CSMD1: variants seen among roughly 807,000 people sequenced by gnomAD.
The protein encoded by CSMD1 is CUB and sushi domain-containing protein 1.
Under a neutral mutation model 417.5 loss-of-function variants are expected in CSMD1, and 213 were observed. The observed-to-expected ratio is 0.51, with a 90% CI of 0.46 to 0.57. CSMD1 has a LOEUF of 0.57. Among genes scored for constraint, CSMD1 ranks in the 20% least tolerant of loss-of-function variants. The pLI is 0.00. For synonymous variants in CSMD1, 2,862 were observed against 1,736.8 expected (o/e 1.65, Z -16.11); for missense variants, 6,923 against 4,529.7 (o/e 1.53, Z -15.17).
At chr8:4,933,483 C>A (rs756781111) in intron 1 of CSMD1, among the ~76,000 whole-genome samples, 9 of 152,084 alleles carry the variant, frequency 5.9e-5, no homozygotes, top group Non-Finnish European at 1.3e-4. Context: ...ACTGTCAGTG[C>A]AGAAGGTAAG....
At chr8:3,909,849 GCTGTATACAAGTT>G (rs1367720204) in intron 5 of CSMD1, among the ~76,000 whole-genome samples, 6 of 152,160 alleles carry the variant, frequency 3.9e-5, no homozygotes, top group Non-Finnish European at 2.9e-5. Context: ...CGTATGTCCT[GCTGTATACAAGTT>G]GATGGAATGG....
At chr8:4,003,317 T>C (rs1451258602) in intron 4 of CSMD1, among the ~76,000 whole-genome samples, 2 of 151,970 alleles carry the variant, frequency 1.3e-5, no homozygotes, top group African/African-American at 4.8e-5. Flanking sequence ...GGTGTGAACC[T>C]GGGAGGTGGA....
At chr8:3,926,737 T>TA (rs11406868) in intron 5 of CSMD1, among the ~76,000 whole-genome samples, 1 of 138,822 alleles carries the variant, frequency 7.2e-6, no homozygotes, top group East Asian at 2.2e-4. Context: ...TTTTTTTTTT[T>TA]ATGGAGTCCC....
intron 50 of CSMD1, among the ~76,000 whole-genome samples, chr8:3,032,778 C>A (rs1037232535): frequency 1.5e-4 from 23 of 151,990 alleles, no homozygotes; most frequent in African/African-American, 5.6e-4. Flanking sequence ...CAACCTCTAC[C>A]TTACTTCAGA....
intron 3 of CSMD1, among the ~76,000 whole-genome samples, chr8:4,251,529 A>G (rs549454505): frequency 6.6e-6 from 1 of 152,310 alleles, no homozygotes; most frequent in South Asian, 2.1e-4. Flanking sequence ...TAAATAGCCT[A>G]AATGATCTCT....
At chr8:4,930,034 G>C (rs1185593827) in intron 1 of CSMD1, among the ~76,000 whole-genome samples, 1 of 152,082 alleles carries the variant, frequency 6.6e-6, no homozygotes, top group African/African-American at 2.4e-5. Context: ...AAGGAACAGG[G>C]GTGCACGGTG....
intron 10 of CSMD1, among the ~76,000 whole-genome samples, chr8:3,528,501 A>G (rs144020844): frequency 2.0e-5 from 3 of 152,320 alleles, no homozygotes; most frequent in African/African-American, 7.2e-5. Flanking sequence ...TTCCTTAGGA[A>G]CCCTGTGGGC....
chr8:4,251,737 G>T (rs953199212), intron 3 of CSMD1, among the ~76,000 whole-genome samples: 1 of 152,076 alleles, frequency 6.6e-6, no homozygotes, highest in Non-Finnish European at 1.5e-5. Context: ...AGACGTCACA[G>T]TTGTGACATC....
chr8:4,833,922 C>G (rs1800300206), intron 1 of CSMD1, among the ~76,000 whole-genome samples: 1 of 152,186 alleles, frequency 6.6e-6, no homozygotes, highest in Admixed American at 6.5e-5. Context: ...CACCACCCAC[C>G]TCCTTGATTC....
rs1797204593 is a variant in CSMD1, at chr8:3,205,556, A to G, written c.4932T>C (p.Asn1644=). The G allele has an allele frequency of 1.2e-6, 2 of 1,603,624 alleles. No homozygotes were observed. Among genetic ancestry groups the G allele is most frequent in the African/African-American group, 2.7e-5 (2 of 74,814 alleles). ...AGAGGCATATTTGACCAGCTGTGTAATTATGGGGGTAGTTTGGTGATAAAA... is the reference window on the plus strand; with the variant it reads ...AGAGGCATATTTGACCAGCTGTGTAGTTATGGGGGTAGTTTGGTGATAAAA... ...GVVLSPNYPH[N]YTAGQICLYS... Residue 1644 remains asparagine (N), a synonymous_variant, in exon 31 of 70, where the codon AAT becomes AAC. Coordinates refer to ENST00000635120, the MANE Select transcript of CSMD1 (RefSeq NM_033225.6).
At chr8:3,709,567 G>T (rs1016483515) in intron 6 of CSMD1, among the ~76,000 whole-genome samples, 1 of 151,856 alleles carries the variant, frequency 6.6e-6, no homozygotes, top group Non-Finnish European at 1.5e-5. Flanking sequence ...GCTCTCCCCA[G>T]TGTGGGTGGG....
At chr8:4,407,709 T>A (rs74842569) in intron 3 of CSMD1, among the ~76,000 whole-genome samples, 1 of 152,228 alleles carries the variant, frequency 6.6e-6, no homozygotes. Context: ...TATTCATAAA[T>A]AGCTGTAGTT....
chr8:3,375,611 C>G (rs1431844615), intron 18 of CSMD1, among the ~76,000 whole-genome samples: 1 of 151,942 alleles, frequency 6.6e-6, no homozygotes, highest in Non-Finnish European at 1.5e-5. Flanking sequence ...TAGAAACTTT[C>G]CACCAAAAGG....
intron 2 of CSMD1, among the ~76,000 whole-genome samples, chr8:4,525,760 G>C (rs1796481712): frequency 6.6e-6 from 1 of 152,128 alleles, no homozygotes; most frequent in Non-Finnish European, 1.5e-5. Flanking sequence ...TATTTCACAA[G>C]GACAATCAAT....
intron 4 of CSMD1, among the ~76,000 whole-genome samples, chr8:4,026,785 G>C (rs1043825641): frequency 6.6e-6 from 1 of 152,214 alleles, no homozygotes; most frequent in Non-Finnish European, 1.5e-5. Flanking sequence ...ATTTAAGTTT[G>C]AAGTTGACAA....
intron 26 of CSMD1, among the ~76,000 whole-genome samples, chr8:3,271,876 A>G (rs79018911): frequency 0.27 from 41,184 of 151,172 alleles, 5,730 homozygotes; most frequent in African/African-American, 0.34. Context: ...CCCATTTTGT[A>G]GGTTGCCTGT....
intron 7 of CSMD1, among the ~76,000 whole-genome samples, chr8:3,703,513 G>C (rs1585102348): frequency 1.3e-5 from 2 of 152,064 alleles, no homozygotes; most frequent in African/African-American, 2.4e-5. Context: ...TGGTAGCTTG[G>C]GCTGTCAGGG....
At chr8:3,119,957 C>A (rs1198808248) in intron 41 of CSMD1, among the ~76,000 whole-genome samples, 1 of 152,194 alleles carries the variant, frequency 6.6e-6, no homozygotes, top group African/African-American at 2.4e-5. Flanking sequence ...CGAGCTTCTG[C>A]AGAGGGGCCT....
intron 12 of CSMD1, among the ~76,000 whole-genome samples, chr8:3,462,212 G>T (rs1303700064): frequency 1.3e-5 from 2 of 152,110 alleles, no homozygotes; most frequent in East Asian, 3.9e-4. Context: ...CTCCCTGGGG[G>T]CCACCCATGT....
Sources: allele counts gnomAD v4.1 joint callset (sites outside exome capture counted in the v4.1 genomes callset), GRCh38; gene constraint gnomAD v4.1.1; transcripts MANE v1.5; gene names NCBI Gene and HGNC (gene_info 2026-07-23, HGNC 2026-07-21).